Variants in BNC2 observed in about 807,000 individuals in gnomAD.
The protein encoded by BNC2 is zinc finger protein basonuclin-2.
BNC2 carries 20 observed loss-of-function variants against 76.3 expected under a neutral mutation model. The observed-to-expected ratio is 0.26, with a 90% CI of 0.18 to 0.38. The LOEUF (loss-of-function observed/expected upper bound fraction) is 0.38. Ranked by LOEUF, BNC2 falls within the 10% of genes least tolerant of loss-of-function variation. The pLI is 1.00. For synonymous variants in BNC2, 582 were observed against 514.8 expected, an observed-to-expected ratio of 1.13 and a Z score of -1.77; for missense variants, 1,382 against 1,399.8, an observed-to-expected ratio of 0.99 and a Z score of 0.20.
intron 3 of BNC2, among the ~76,000 whole-genome samples, chr9:16,583,924 AT>A (rs1819697943): frequency 6.6e-6 from 1 of 152,242 alleles, no homozygotes; most frequent in African/African-American, 2.4e-5. Flanking sequence ...ATATTATAAA[AT>A]GAATCCATAG....
chr9:16,665,128 G>C (rs545928955), intron 3 of BNC2: 1 of 453,766 alleles, frequency 2.2e-6, no homozygotes, highest in Non-Finnish European at 4.4e-6. Context: ...CAGCACTTTG[G>C]AAGTCCAAGA....
At chr9:16,434,778 G>C (rs1820970476) in intron 6 of BNC2, 1 of 454,418 alleles carries the variant, frequency 2.2e-6, no homozygotes, top group Non-Finnish European at 4.4e-6. Flanking sequence ...CTGAAGGCTG[G>C]ACATAATATA....
intron 3 of BNC2, among the ~76,000 whole-genome samples, chr9:16,723,744 C>T (rs10962552): frequency 0.17 from 26,390 of 151,902 alleles, 2,272 homozygotes; most frequent in East Asian, 0.23. Context: ...GGTGAGCAGA[C>T]GCTCTGGTAT....
intron 4 of BNC2, among the ~76,000 whole-genome samples, chr9:16,564,915 T>C (rs1196942145): frequency 6.6e-6 from 1 of 152,170 alleles, no homozygotes. Context: ...TAACATTATC[T>C]AGCACGAACA....
chr9:16,620,709 C>T (rs1820841876), intron 3 of BNC2, among the ~76,000 whole-genome samples: 1 of 152,186 alleles, frequency 6.6e-6, no homozygotes, highest in African/African-American at 2.4e-5. Flanking sequence ...GTGCAGAAAA[C>T]AGATTTTAAA....
chr9:16,638,257 G>A (rs1821385881), intron 3 of BNC2, among the ~76,000 whole-genome samples: 1 of 152,076 alleles, frequency 6.6e-6, no homozygotes, highest in Admixed American at 6.5e-5. Flanking sequence ...CTGAAACCAA[G>A]TGCATAGACA....
intron 5 of BNC2, among the ~76,000 whole-genome samples, chr9:16,490,896 G>A (rs376577905): frequency 5.9e-5 from 9 of 152,250 alleles, no homozygotes; most frequent in East Asian, 5.8e-4. Context: ...AAAGGTTTGC[G>A]GAGGAGTGTT....
chr9:16,426,929 C>T (rs1039681352), intron 6 of BNC2, among the ~76,000 whole-genome samples: 1 of 152,112 alleles, frequency 6.6e-6, no homozygotes, highest in Non-Finnish European at 1.5e-5. Context: ...TGGTGTATCA[C>T]CATATAGCAC....
Position 16,464,071 on chromosome 9 carries a change from G to C in BNC2, c.670-26547C>G, listed in dbSNP as rs1322770957. ...ATTGTGCTACCGAACTCCAGCCTAG[G>C]AGACAGGGCAAGACCCTGTCTCCAA... On this transcript the variant is annotated intron_variant, in intron 5 of 6. Coordinates refer to ENST00000380672, the MANE Select transcript of BNC2 (RefSeq NM_017637.6). 3.3e-5 allele frequency among the ~76,000 whole-genome samples: 4 copies of C among 121,854 alleles called. No homozygotes were observed. The East Asian group carries it at 7.2e-4, about 22-fold the overall frequency. 79.9% of individuals were successfully genotyped at this position (121,854 alleles called of 152,430 possible).
At chr9:16,606,759 C>A (rs1028435889) in intron 3 of BNC2, among the ~76,000 whole-genome samples, 26 of 152,238 alleles carry the variant, frequency 1.7e-4, no homozygotes, top group African/African-American at 6.0e-4. Context: ...GGTTTCGCCA[C>A]GTTGGCCAGG....
chr9:16,861,482 G>C (rs1199463083), intron 1 of BNC2, among the ~76,000 whole-genome samples: 1 of 150,148 alleles, frequency 6.7e-6, no homozygotes, highest in Non-Finnish European at 1.5e-5. Context: ...ATAATAAAAA[G>C]ACAAATAACC....
intron 5 of BNC2, among the ~76,000 whole-genome samples, chr9:16,476,650 T>G (rs374428634): frequency 2.3e-4 from 35 of 152,046 alleles, no homozygotes; most frequent in East Asian, 1.6e-3. Flanking sequence ...GACCACGGGT[T>G]TATCTAGCTC....
chr9:16,584,871 C>T (rs1016171133), intron 3 of BNC2, among the ~76,000 whole-genome samples: 1 of 151,982 alleles, frequency 6.6e-6, no homozygotes. Context: ...AAGAACTTTA[C>T]AAATTATCTA....
At chr9:16,862,241 A>G (rs900940078) in intron 1 of BNC2, among the ~76,000 whole-genome samples, 2 of 152,210 alleles carry the variant, frequency 1.3e-5, no homozygotes, top group African/African-American at 4.8e-5. Flanking sequence ...CATTACTCAA[A>G]AAGTGTAAAC....
intron 3 of BNC2, among the ~76,000 whole-genome samples, chr9:16,589,497 T>TTTTGTTTGTTTGTTTG (rs71325976): frequency 1.6e-4 from 24 of 148,996 alleles, no homozygotes; most frequent in South Asian, 6.5e-4. Context: ...AAAAGCCATT[T>TTTTGTTTGTTTGTTTG]TTTGTTTGTT....
chr9:16,699,075 T>A, intron 3 of BNC2: 1 of 409,094 alleles, frequency 2.4e-6, no homozygotes, highest in South Asian at 1.8e-5. Flanking sequence ...TATTTTTAAG[T>A]TACTTTTGGT....
At chr9:16,432,234 G>T (rs1414108393) in intron 6 of BNC2, among the ~76,000 whole-genome samples, 1 of 152,172 alleles carries the variant, frequency 6.6e-6, no homozygotes, top group Non-Finnish European at 1.5e-5. Context: ...TGACACTGTT[G>T]CTTGGAATCT....
At chr9:16,766,073 C>T (rs1176706521) in intron 1 of BNC2, among the ~76,000 whole-genome samples, 2 of 152,214 alleles carry the variant, frequency 1.3e-5, no homozygotes, top group Non-Finnish European at 2.9e-5. Context: ...AGGCGTGAGC[C>T]ACCGCGCCCG....
chr9:16,870,523 GC>G, intron 1 of BNC2, 122 bp downstream of exon 1: 2 of 1,108,386 alleles, frequency 1.8e-6, no homozygotes, highest in Non-Finnish European at 2.6e-6. Context: ...AGCGCCCCTT[GC>G]CCCTCACGCC....
Sources: allele counts gnomAD v4.1 joint callset (sites outside exome capture counted in the v4.1 genomes callset), GRCh38; gene constraint gnomAD v4.1.1; transcripts MANE v1.5; gene names NCBI Gene and HGNC (gene_info 2026-07-23, HGNC 2026-07-21).